Variants in LYSMD1 observed in about 807,000 individuals in gnomAD.
The protein encoded by LYSMD1 is LysM domain containing 1, also known as lysM and putative peptidoglycan-binding domain-containing protein 1.
Under a neutral mutation model 19.3 loss-of-function variants are expected in LYSMD1, and 9 were observed. That is an observed-to-expected ratio of 0.47 (90% CI 0.28 to 0.81). The LOEUF is 0.81. Among genes scored for constraint, LYSMD1 ranks in the 40% least tolerant of loss-of-function variants. LYSMD1 has a pLI of 0.11. For missense variants in LYSMD1, 262 were observed against 279.8 expected, an observed-to-expected ratio of 0.94 and a Z score of 0.45; for synonymous variants, 111 against 111.7, an observed-to-expected ratio of 0.99 and a Z score of 0.04.
At chr1:151,149,580 G>A in the LYSMD1 span, among the ~76,000 whole-genome samples, 59 of 151,856 alleles carry the variant, frequency 3.9e-4, 1 homozygote, top group East Asian at 0.01. Flanking sequence ...GTGAAACCCC[G>A]TCTCTACTAA....
the LYSMD1 span, among the ~76,000 whole-genome samples, chr1:151,149,138 C>A: frequency 6.6e-6 from 1 of 152,122 alleles, no homozygotes; most frequent in Non-Finnish European, 1.5e-5. Flanking sequence ...CCCCTGTAAT[C>A]CCAGCACTTT....
chr1:151,161,038 G>T lies in LYSMD1; in HGVS notation c.546-18C>A. The T allele has an allele frequency of 1.2e-6, 2 of 1,612,698 alleles. No individual in the cohort carries two copies. Among genetic ancestry groups the T allele is most frequent in the East Asian group, 2.2e-5 (1 of 44,826 alleles). On this transcript the variant is annotated intron_variant, in intron 2 of 2. Transcript: ENST00000368908. ...CAGGTACCCTGCAATTGAGGAAAGG[G>T]GGGAAAGAGTGACAGATCAAGGGAA...
the LYSMD1 span, among the ~76,000 whole-genome samples, chr1:151,154,402 G>A: frequency 6.6e-6 from 1 of 151,356 alleles, no homozygotes; most frequent in Non-Finnish European, 1.5e-5. Context: ...TTGAACCTGG[G>A]AGGCAGAGGT....
At chr1:151,159,065 G>A, downstream of LYSMD1, 1 of 1,614,154 alleles carries the variant, frequency 6.2e-7, no homozygotes, top group Non-Finnish European at 8.5e-7. Flanking sequence ...CTGACCGAGT[G>A]CCGGGATGTG....
chr1:151,151,032 C>T, the LYSMD1 span, among the ~76,000 whole-genome samples: 1 of 152,048 alleles, frequency 6.6e-6, no homozygotes, highest in Admixed American at 6.6e-5. Context: ...GCCACCACAC[C>T]CAGCCTAATA....
intron 1 of LYSMD1, among the ~76,000 whole-genome samples, chr1:151,164,668 A>G (rs6587557): frequency 0.7 from 106,896 of 152,034 alleles, 37,832 homozygotes; most frequent in East Asian, 0.93. Flanking sequence ...CACTCTCAAC[A>G]TAAAATTTTC....
At chr1:151,151,122 T>C in the LYSMD1 span, among the ~76,000 whole-genome samples, 2 of 152,142 alleles carry the variant, frequency 1.3e-5, no homozygotes, top group South Asian at 4.1e-4. Flanking sequence ...CTTTCTTCTC[T>C]ACCCATTCTC....
the LYSMD1 span, among the ~76,000 whole-genome samples, chr1:151,152,499 A>G: frequency 2.0e-5 from 3 of 151,952 alleles, no homozygotes; most frequent in South Asian, 6.2e-4. Flanking sequence ...CAGGAGTTCA[A>G]GACCAGCCTG....
intron 2 of LYSMD1, among the ~76,000 whole-genome samples, chr1:151,161,457 A>G (rs1402996428): frequency 6.6e-6 from 1 of 151,828 alleles, no homozygotes; most frequent in African/African-American, 2.4e-5. Context: ...AGATCGCGCC[A>G]CTGCACTCCA....
At chr1:151,152,005 A>T in the LYSMD1 span, among the ~76,000 whole-genome samples, 1 of 151,994 alleles carries the variant, frequency 6.6e-6, no homozygotes, top group Non-Finnish European at 1.5e-5. Flanking sequence ...TGCCTGGCAT[A>T]CAGTAAGTAG....
chr1:151,160,947 G>A lies in LYSMD1; in HGVS notation c.619C>T (p.Pro207Ser), dbSNP rs752804659. 84 of 1,614,182 alleles carry A rather than the reference G, an allele frequency of 5.2e-5. No individual in the cohort carries two copies. The highest frequency in any genetic ancestry group is 6.9e-5 in the Non-Finnish European group (82 of 1,180,006). ...CGGGTCCGAGAGGTACGGGTCAGCG[G>A]CACAGGACCTAGGACTGCTCGTTGC... is the stretch of plus-strand genomic sequence containing the variant. ...MQQRAVLGPV[P>S]LTRTSRTRTL... The change falls in exon 3 of 3, where the codon CCG (proline) becomes TCG (serine). Residue 207 changes from proline (P) to serine (S), a missense_variant. Physicochemically the swap from Pro to Ser is moderately conservative, Grantham distance 74. Transcript: ENST00000368908.
chr1:151,161,413 C>T (rs1481987669), intron 2 of LYSMD1, among the ~76,000 whole-genome samples: 3 of 151,772 alleles, frequency 2.0e-5, no homozygotes, highest in Non-Finnish European at 2.9e-5. Context: ...AGGAGAATGG[C>T]GTGAACCTGG....
intron 1 of LYSMD1, among the ~76,000 whole-genome samples, chr1:151,163,165 A>G (rs1365293357): frequency 6.6e-6 from 1 of 151,700 alleles, no homozygotes. Flanking sequence ...CCACCCCCCT[A>G]CTATCCCATT....
chr1:151,157,262 A>G (rs1328629510), downstream of LYSMD1, among the ~76,000 whole-genome samples: 2 of 152,178 alleles, frequency 1.3e-5, no homozygotes, highest in African/African-American at 4.8e-5. Context: ...TCAGGTTTCC[A>G]CTGGAAGGAT....
chr1:151,156,960 T>G (rs1683243148), downstream of LYSMD1, among the ~76,000 whole-genome samples: 1 of 151,900 alleles, frequency 6.6e-6, no homozygotes, highest in Non-Finnish European at 1.5e-5. Flanking sequence ...TATGGATGTG[T>G]GCGAAATGCA....
Position 151,165,619 on chromosome 1 carries a change from C to A in LYSMD1, c.-361G>T, listed in dbSNP as rs148567160. 3.3e-6 allele frequency: 5 copies of A among 1,533,174 alleles called. No individual in the cohort carries two copies. The East Asian group carries it at 9.8e-5, about 30-fold the overall frequency. 95.0% of individuals were successfully genotyped at this position (1,533,174 alleles called of 1,614,324 possible). A position where few individuals can be genotyped will look rare whatever the true frequency, so the allele number is the denominator to read the frequency against. ...GCCCCCAAGTAGCCTGGCCTCAGGG[C>A]GCTCCAACATCCCAGCTCTCCCCGG... On this transcript the variant is annotated 5_prime_UTR_variant, in exon 1 of 3. Transcript: ENST00000368908.
chr1:151,158,846 C>G (rs145235544), downstream of LYSMD1: 23 of 1,614,176 alleles, frequency 1.4e-5, no homozygotes, highest in East Asian at 1.3e-4. Flanking sequence ...AAGGAGTACA[C>G]GCACAGCCGG....
downstream of LYSMD1, among the ~76,000 whole-genome samples, chr1:151,158,062 C>G (rs1558198394): frequency 6.6e-6 from 1 of 152,040 alleles, no homozygotes; most frequent in African/African-American, 2.4e-5. Flanking sequence ...TGGTGGCTCA[C>G]GCCTGTATTC....
At position 151,165,079 on chromosome 1, in the gene LYSMD1, C is replaced by T. The variant is rs1471398340; in HGVS notation, c.180G>A (p.Thr60=). Residue 60 remains threonine, a splice_region_variant and synonymous_variant, in exon 1 of 3, where the codon ACG becomes ACA. Transcript: ENST00000368908. ...TTCACCCCAATCCTGGAAAACTCAC[C>T]GTCACCCCATATTTGAGTGCTAGTC... is the stretch of plus-strand genomic sequence containing the variant. ...LAGLALKYGV[T]MEQIKRANRL... is the part of the protein sequence containing the mutation. 3 of 1,613,124 alleles carry T rather than the reference C, an allele frequency of 1.9e-6. No homozygotes were observed. Among genetic ancestry groups the T allele is most frequent in the Non-Finnish European group, 2.5e-6 (3 of 1,179,298 alleles).
Sources: gnomAD v4.1 joint callset for allele counts (sites outside exome capture counted in the v4.1 genomes callset) on GRCh38, gnomAD v4.1.1 for gene constraint, MANE v1.5 for transcripts, NCBI Gene and HGNC (gene_info 2026-07-23, HGNC 2026-07-21) for gene names.